The following PTGIS variants were observed in gnomAD, a reference collection of about 807,000 sequenced individuals.
The protein encoded by PTGIS is prostaglandin I2 synthase.
A neutral mutation model predicts 50.3 loss-of-function variants in PTGIS; 45 were observed. That is an observed-to-expected ratio of 0.90 (90% CI 0.70 to 1.15). The LOEUF is 1.15. PTGIS is among the 50% of genes most tolerant of loss of function. The pLI, the probability that PTGIS is intolerant of heterozygous loss-of-function variation, is 0.00. For missense variants in PTGIS, 668 were observed against 661.3 expected (o/e 1.01, Z -0.11); for synonymous variants, 260 against 267.7 (o/e 0.97, Z 0.28).
chr20:49,529,416 A>G (rs939984711), intron 5 of PTGIS, among the ~76,000 whole-genome samples: 1 of 152,136 alleles, frequency 6.6e-6, no homozygotes, highest in African/African-American at 2.4e-5. Context: ...AAGTTCATCT[A>G]TATTGTTACA....
intron 5 of PTGIS, among the ~76,000 whole-genome samples, chr20:49,526,340 T>G (rs1013951963): frequency 2.0e-5 from 3 of 152,192 alleles, no homozygotes; most frequent in Non-Finnish European, 4.4e-5. Flanking sequence ...TAACTGGCAT[T>G]CTTTGAAGTC....
chr20:49,523,274 AG>A (rs1981701726), intron 6 of PTGIS, among the ~76,000 whole-genome samples: 1 of 152,216 alleles, frequency 6.6e-6, no homozygotes, highest in African/African-American at 2.4e-5. Context: ...GGGATAAAAA[AG>A]CATGATATCT....
At chr20:49,524,395 C>T (rs1981740596) in intron 5 of PTGIS, among the ~76,000 whole-genome samples, 156 bp from the exon 6 acceptor site, 1 of 152,174 alleles carries the variant, frequency 6.6e-6, no homozygotes, top group Admixed American at 6.5e-5. Context: ...GACAGGCCCA[C>T]AGCAGGAAGC....
At chr20:49,560,554 A>G (rs541573564) in intron 1 of PTGIS, among the ~76,000 whole-genome samples, 2 of 152,196 alleles carry the variant, frequency 1.3e-5, no homozygotes, top group African/African-American at 4.8e-5. Flanking sequence ...AAGAAAAAAG[A>G]AAACAGGGTG....
chr20:49,549,777 T>C (rs918230991), intron 2 of PTGIS, among the ~76,000 whole-genome samples: 5 of 151,990 alleles, frequency 3.3e-5, no homozygotes, highest in East Asian at 1.9e-4. Context: ...ATGGAATGGA[T>C]AGATGGAGGT....
chr20:49,510,831 G>C (rs1340675126), intron 9 of PTGIS, among the ~76,000 whole-genome samples, 197 bp downstream of exon 9: 2 of 152,166 alleles, frequency 1.3e-5, no homozygotes, highest in Non-Finnish European at 2.9e-5. Context: ...TCCGAAATCT[G>C]GCTTTTTTAC....
At chr20:49,563,170 T>A (rs1374796703) in intron 1 of PTGIS, among the ~76,000 whole-genome samples, 1 of 152,098 alleles carries the variant, frequency 6.6e-6, no homozygotes, top group East Asian at 1.9e-4. Context: ...CTGGGAGGAT[T>A]TAATGGGGAA....
At chr20:49,550,283 G>T in intron 1 of PTGIS, 94 bp from the exon 2 acceptor site, 2 of 1,529,036 alleles carry the variant, frequency 1.3e-6, no homozygotes, top group South Asian at 2.2e-5. Flanking sequence ...GGAGCAGTCG[G>T]GGAGGTAATC....
chr20:49,551,882 T>C (rs2122892776), intron 1 of PTGIS, among the ~76,000 whole-genome samples: 1 of 151,996 alleles, frequency 6.6e-6, no homozygotes, highest in East Asian at 1.9e-4. Flanking sequence ...CCTAGGTTCT[T>C]GTTTTTTGAG....
At chr20:49,525,468 G>A (rs1981769700) in intron 5 of PTGIS, among the ~76,000 whole-genome samples, 1 of 152,196 alleles carries the variant, frequency 6.6e-6, no homozygotes, top group Admixed American at 6.5e-5. Context: ...AGCAGTGAAA[G>A]TGAGTTAGTA....
At chr20:49,566,316 T>G (rs1982898492) in intron 1 of PTGIS, among the ~76,000 whole-genome samples, 1 of 152,236 alleles carries the variant, frequency 6.6e-6, no homozygotes, top group South Asian at 2.1e-4. Flanking sequence ...GGATTCGATC[T>G]CCTTGTAGCA....
At chr20:49,563,267 C>T (rs1982821016) in intron 1 of PTGIS, among the ~76,000 whole-genome samples, 1 of 152,184 alleles carries the variant, frequency 6.6e-6, no homozygotes, top group Non-Finnish European at 1.5e-5. Context: ...CAGGGCTCAC[C>T]CACAGGCCTC....
At chr20:49,537,797 C>T (rs34266935) in intron 5 of PTGIS, among the ~76,000 whole-genome samples, 10 of 151,978 alleles carry the variant, frequency 6.6e-5, no homozygotes, top group South Asian at 2.1e-4. Flanking sequence ...AGGCCAACAG[C>T]TAAAAGAAAT....
chr20:49,549,450 G>A (rs1264195086), intron 2 of PTGIS, among the ~76,000 whole-genome samples: 2 of 152,068 alleles, frequency 1.3e-5, no homozygotes, highest in Non-Finnish European at 2.9e-5. Flanking sequence ...TTTTCAATTC[G>A]TGGCCGGTTG....
At chr20:49,527,421 C>A (rs984605417) in intron 5 of PTGIS, among the ~76,000 whole-genome samples, 29 of 152,164 alleles carry the variant, frequency 1.9e-4, no homozygotes, top group African/African-American at 6.8e-4. Context: ...GGCGACACTG[C>A]ACTCCAGCCT....
chr20:49,555,120 A>G (rs1982595107), intron 1 of PTGIS, among the ~76,000 whole-genome samples: 1 of 152,042 alleles, frequency 6.6e-6, no homozygotes. Context: ...AAAATACAAA[A>G]AAATTGGCTG....
intron 1 of PTGIS, among the ~76,000 whole-genome samples, chr20:49,562,162 C>A (rs1310449285): frequency 6.6e-6 from 1 of 152,160 alleles, no homozygotes; most frequent in African/African-American, 2.4e-5. Flanking sequence ...ACCCTCTTGA[C>A]ACTACCCTGG....
At chr20:49,567,331 G>A (rs190360692) in intron 1 of PTGIS, among the ~76,000 whole-genome samples, 1 of 152,326 alleles carries the variant, frequency 6.6e-6, no homozygotes, top group East Asian at 1.9e-4. Flanking sequence ...GGACCAGGAG[G>A]CTGTGACATC....
At chr20:49,544,761 C>T (rs1482632226) in intron 3 of PTGIS, among the ~76,000 whole-genome samples, 1 of 152,198 alleles carries the variant, frequency 6.6e-6, no homozygotes, top group Non-Finnish European at 1.5e-5. Flanking sequence ...CAAGGTCACA[C>T]AGCCAAAGCG....
Sources: allele counts gnomAD v4.1 joint callset (sites outside exome capture counted in the v4.1 genomes callset), GRCh38; gene constraint gnomAD v4.1.1; transcripts MANE v1.5; gene names NCBI Gene and HGNC (gene_info 2026-07-23, HGNC 2026-07-21).